The following CACNA2D1 variants were observed in gnomAD, a reference collection of about 807,000 sequenced individuals.
CACNA2D1 encodes voltage-dependent calcium channel subunit alpha-2/delta-1.
A neutral mutation model predicts 171.5 loss-of-function variants in CACNA2D1; 53 were observed. That is an observed-to-expected ratio of 0.31 (90% CI 0.25 to 0.39). The LOEUF is 0.39. Ranked by LOEUF, CACNA2D1 falls within the 10% of genes least tolerant of loss-of-function variation. CACNA2D1 has a pLI of 1.00. For missense variants in CACNA2D1, 903 were observed against 1,299.8 expected, an observed-to-expected ratio of 0.69 and a Z score of 4.69; for synonymous variants, 442 against 443.1, an observed-to-expected ratio of 1.00 and a Z score of 0.03.
intron 3 of CACNA2D1, among the ~76,000 whole-genome samples, chr7:82,250,709 T>C (rs1805529181): frequency 6.6e-6 from 1 of 152,208 alleles, no homozygotes; most frequent in Non-Finnish European, 1.5e-5. Context: ...ATTTTGCTTT[T>C]AGTACATAGC....
At chr7:82,197,818 C>A (rs980748379) in intron 3 of CACNA2D1, among the ~76,000 whole-genome samples, 1 of 151,848 alleles carries the variant, frequency 6.6e-6, no homozygotes, top group Non-Finnish European at 1.5e-5. Flanking sequence ...CAAACACACA[C>A]ACACACACTA....
At chr7:82,284,421 G>T (rs991787376) in intron 3 of CACNA2D1, among the ~76,000 whole-genome samples, 1 of 152,108 alleles carries the variant, frequency 6.6e-6, no homozygotes, top group African/African-American at 2.4e-5. Context: ...CCCTCTTGTT[G>T]TGAGGGTTAA....
chr7:82,072,449 C>A (rs1277719908), intron 7 of CACNA2D1, among the ~76,000 whole-genome samples: 1 of 151,864 alleles, frequency 6.6e-6, no homozygotes, highest in African/African-American at 2.4e-5. Flanking sequence ...CCCCAGGAAA[C>A]TGCTTATTGC....
At chr7:82,420,234 C>T (rs993639531) in intron 1 of CACNA2D1, among the ~76,000 whole-genome samples, 2 of 152,032 alleles carry the variant, frequency 1.3e-5, no homozygotes, top group African/African-American at 4.8e-5. Context: ...TGAATTGTCA[C>T]CAAATACTAC....
At chr7:82,071,200 A>G (rs1808282358) in intron 7 of CACNA2D1, among the ~76,000 whole-genome samples, 1 of 152,210 alleles carries the variant, frequency 6.6e-6, no homozygotes, top group Non-Finnish European at 1.5e-5. Context: ...TTTAGCCTCA[A>G]GCACACCCCT....
intron 3 of CACNA2D1, among the ~76,000 whole-genome samples, chr7:82,266,063 C>A (rs769211924): frequency 4.6e-5 from 7 of 151,970 alleles, no homozygotes; most frequent in Non-Finnish European, 1.0e-4. Flanking sequence ...TATAATGTAC[C>A]ATTTCTTATA....
intron 6 of CACNA2D1, among the ~76,000 whole-genome samples, chr7:82,104,758 C>A (rs1349143975): frequency 6.6e-6 from 1 of 152,016 alleles, no homozygotes; most frequent in African/African-American, 2.4e-5. Flanking sequence ...AATATGAACT[C>A]CTATGTGAAA....
At chr7:82,297,804 C>T (rs544811309) in intron 3 of CACNA2D1, among the ~76,000 whole-genome samples, 52 of 152,136 alleles carry the variant, frequency 3.4e-4, no homozygotes, top group African/African-American at 1.1e-3. Flanking sequence ...TAAAACAAAA[C>T]GACTAATAAG....
At chr7:82,193,155 G>A (rs900248580) in intron 3 of CACNA2D1, among the ~76,000 whole-genome samples, 1 of 150,220 alleles carries the variant, frequency 6.7e-6, no homozygotes, top group East Asian at 1.9e-4. Context: ...CACTTTACCC[G>A]GGCTTCAACC....
rs78962077 is a variant in CACNA2D1, at chr7:82,240,074, T to G, written c.295-69465A>C. 6.2e-3 allele frequency among the ~76,000 whole-genome samples: 951 copies of G among 152,264 alleles called. 14 individuals are homozygous for G. The highest frequency in any genetic ancestry group is 0.022 in the African/African-American group (908 of 41,564). On this transcript the variant is annotated intron_variant, in intron 3 of 38. Transcript: ENST00000356860. ...CTAAGATTATTGTGCAAAAGAACAG[T>G]TATGAACTACAATTTTAGACTCACT...
intron 1 of CACNA2D1, among the ~76,000 whole-genome samples, chr7:82,399,245 G>C (rs1472862011): frequency 1.3e-5 from 2 of 152,216 alleles, no homozygotes; most frequent in Non-Finnish European, 1.5e-5. Flanking sequence ...CTCAAGACCA[G>C]CCTGGTCCAC....
At chr7:82,070,841 A>G (rs1001420954) in intron 7 of CACNA2D1, among the ~76,000 whole-genome samples, 2 of 152,204 alleles carry the variant, frequency 1.3e-5, no homozygotes, top group African/African-American at 4.8e-5. Flanking sequence ...TTTAAAAATG[A>G]GTAATATCCA....
chr7:81,974,289 T>C (rs1466510007), intron 25 of CACNA2D1, among the ~76,000 whole-genome samples, 166 bp downstream of exon 25: 1 of 152,090 alleles, frequency 6.6e-6, no homozygotes, highest in Non-Finnish European at 1.5e-5. Flanking sequence ...AACATTTCTT[T>C]AGTTTGCAAA....
intron 3 of CACNA2D1, among the ~76,000 whole-genome samples, chr7:82,281,091 C>T (rs1399461895): frequency 1.3e-5 from 2 of 152,148 alleles, no homozygotes; most frequent in Admixed American, 1.3e-4. Context: ...TGACTGACCA[C>T]CTCCACATCA....
At chr7:82,235,104 G>T (rs1297994526) in intron 3 of CACNA2D1, among the ~76,000 whole-genome samples, 1 of 151,768 alleles carries the variant, frequency 6.6e-6, no homozygotes, top group East Asian at 1.9e-4. Context: ...CACTAAAAAA[G>T]GAAAATAACA....
intron 6 of CACNA2D1, among the ~76,000 whole-genome samples, chr7:82,094,603 T>C (rs1216813236): frequency 6.6e-6 from 1 of 152,210 alleles, no homozygotes; most frequent in Admixed American, 6.5e-5. Context: ...CAGATCTTAA[T>C]ACAGACAGGA....
chr7:81,953,824 T>C (rs1281327917), intron 38 of CACNA2D1, among the ~76,000 whole-genome samples: 1 of 152,182 alleles, frequency 6.6e-6, no homozygotes, highest in Non-Finnish European at 1.5e-5. Context: ...CTTTATACTC[T>C]ACAAATGTGT....
At chr7:82,342,255 T>C (rs1361821118) in intron 2 of CACNA2D1, among the ~76,000 whole-genome samples, 7 of 152,102 alleles carry the variant, frequency 4.6e-5, no homozygotes, top group African/African-American at 1.7e-4. Flanking sequence ...TTTATATACG[T>C]GTGATGTTTA....
chr7:81,991,385 A>ATATT (rs1316652528), intron 20 of CACNA2D1, 139 bp from the exon 21 acceptor site: 2 of 519,874 alleles, frequency 3.8e-6, no homozygotes, highest in East Asian at 6.0e-5. Flanking sequence ...ATTTTATTCT[A>ATATT]TATTTATTTA....
Sources: allele counts gnomAD v4.1 joint callset (sites outside exome capture counted in the v4.1 genomes callset), GRCh38; gene constraint gnomAD v4.1.1; transcripts MANE v1.5; gene names NCBI Gene and HGNC (gene_info 2026-07-23, HGNC 2026-07-21).